The following EPHA6 variants were observed in gnomAD, a reference collection of about 807,000 sequenced individuals.
The protein encoded by EPHA6 is EPH receptor A6, also known as ephrin type-A receptor 6.
Under a neutral mutation model 112.0 loss-of-function variants are expected in EPHA6, and 50 were observed. That is an observed-to-expected ratio of 0.45 (90% confidence interval 0.36 to 0.56). The LOEUF (loss-of-function observed/expected upper bound fraction) is 0.56. Ranked by LOEUF, EPHA6 falls within the 20% of genes least tolerant of loss-of-function variation. The pLI, the probability that EPHA6 is intolerant of heterozygous loss-of-function variation, is 0.00. For missense variants in EPHA6, 1,280 were observed against 1,417.4 expected (o/e 0.90, Z 1.56); for synonymous variants, 529 against 490.7 (o/e 1.08, Z -1.03).
At chr3:96,918,671 A>G (rs1297683264) in intron 2 of EPHA6, among the ~76,000 whole-genome samples, 2 of 152,072 alleles carry the variant, frequency 1.3e-5, no homozygotes, top group South Asian at 2.1e-4. Flanking sequence ...TGGGAAAAAT[A>G]TGTATTTCAA....
intron 11 of EPHA6, among the ~76,000 whole-genome samples, chr3:97,560,139 T>A (rs1042884708): frequency 4.0e-5 from 6 of 151,790 alleles, no homozygotes; most frequent in African/African-American, 1.5e-4. Flanking sequence ...AACTCTGTTT[T>A]CCTGAAATCA....
chr3:97,007,002 T>C (rs1406427579), intron 3 of EPHA6, among the ~76,000 whole-genome samples: 1 of 152,218 alleles, frequency 6.6e-6, no homozygotes, highest in Non-Finnish European at 1.5e-5. Context: ...TTGCTTTTGC[T>C]GAGGAGTGTT....
chr3:97,153,133 C>T (rs1334285818), intron 3 of EPHA6, among the ~76,000 whole-genome samples: 3 of 152,004 alleles, frequency 2.0e-5, no homozygotes, highest in Admixed American at 2.0e-4. Context: ...TATTGTGTAC[C>T]TATAACTCTG....
intron 11 of EPHA6, among the ~76,000 whole-genome samples, chr3:97,547,477 TG>T (rs1051884730): frequency 1.3e-5 from 2 of 152,134 alleles, no homozygotes; most frequent in Non-Finnish European, 2.9e-5. Flanking sequence ...CCGCCCATAC[TG>T]GGGGGTGCCT....
At chr3:97,614,444 C>G (rs891511588) in intron 13 of EPHA6, among the ~76,000 whole-genome samples, 1 of 150,082 alleles carries the variant, frequency 6.7e-6, no homozygotes, top group Non-Finnish European at 1.5e-5. Flanking sequence ...AAGTGATTCT[C>G]CTGCCTCAGC....
intron 1 of EPHA6, among the ~76,000 whole-genome samples, chr3:96,849,015 T>A (rs2035239168): frequency 6.6e-6 from 1 of 152,106 alleles, no homozygotes; most frequent in African/African-American, 2.4e-5. Context: ...GGAAATTTCC[T>A]AGGGGAAAAT....
At chr3:97,641,587 A>G (rs1576171472) in intron 14 of EPHA6, among the ~76,000 whole-genome samples, 1 of 152,296 alleles carries the variant, frequency 6.6e-6, no homozygotes, top group Admixed American at 6.5e-5. Flanking sequence ...GGTGCAGCGC[A>G]CCATGCGCGA....
intron 3 of EPHA6, among the ~76,000 whole-genome samples, chr3:97,157,673 G>A (rs2108391237): frequency 6.6e-6 from 1 of 152,196 alleles, no homozygotes; most frequent in African/African-American, 2.4e-5. Context: ...GAAGGCTCAA[G>A]ACCCGAGAGG....
At chr3:97,193,452 CAT>C (rs2108483498) in intron 3 of EPHA6, among the ~76,000 whole-genome samples, 1 of 152,122 alleles carries the variant, frequency 6.6e-6, no homozygotes, top group African/African-American at 2.4e-5. Context: ...TTGCTACTGA[CAT>C]ATAAGAATAC....
chr3:96,989,585 T>C (rs955335659), intron 3 of EPHA6, among the ~76,000 whole-genome samples: 2 of 152,112 alleles, frequency 1.3e-5, no homozygotes. Flanking sequence ...GACTGGGTAA[T>C]TTATGAAGGA....
chr3:97,027,496 T>C (rs2044682450), intron 3 of EPHA6, among the ~76,000 whole-genome samples: 1 of 151,864 alleles, frequency 6.6e-6, no homozygotes. Flanking sequence ...AAAAAACACC[T>C]CCAAGGGAAA....
intron 2 of EPHA6, among the ~76,000 whole-genome samples, chr3:96,882,583 CT>C (rs1465511315): frequency 6.6e-6 from 1 of 152,180 alleles, no homozygotes; most frequent in Non-Finnish European, 1.5e-5. Flanking sequence ...CATAGCTTTG[CT>C]CCCATGTATC....
chr3:96,923,708 T>C (rs561909060), intron 2 of EPHA6, among the ~76,000 whole-genome samples: 2 of 152,324 alleles, frequency 1.3e-5, no homozygotes, highest in South Asian at 4.1e-4. Context: ...TGCTTGAGCC[T>C]GTGTCCTGAA....
At chr3:96,907,413 A>T (rs2038991522) in intron 2 of EPHA6, among the ~76,000 whole-genome samples, 1 of 151,732 alleles carries the variant, frequency 6.6e-6, no homozygotes. Flanking sequence ...ACTAGGATTT[A>T]TTACCTTCTG....
At chr3:97,410,830 A>G (rs919029196) in intron 6 of EPHA6, among the ~76,000 whole-genome samples, 2 of 152,022 alleles carry the variant, frequency 1.3e-5, no homozygotes, top group Non-Finnish European at 2.9e-5. Flanking sequence ...GTGTTGATAA[A>G]GGGGAAAATA....
chr3:97,186,852 T>C (rs565637953), intron 3 of EPHA6, among the ~76,000 whole-genome samples: 2 of 152,234 alleles, frequency 1.3e-5, no homozygotes, highest in South Asian at 4.1e-4. Context: ...TTTCCCACTC[T>C]TTTCACCTGT....
At chr3:97,366,274 C>A (rs180688970) in intron 5 of EPHA6, among the ~76,000 whole-genome samples, 179 of 152,222 alleles carry the variant, frequency 1.2e-3, no homozygotes, top group Admixed American at 2.6e-3. Context: ...CTAATAAAAG[C>A]AATATGTTGG....
At chr3:97,458,561 C>G (rs139600274) in intron 7 of EPHA6, among the ~76,000 whole-genome samples, 4 of 151,972 alleles carry the variant, frequency 2.6e-5, no homozygotes, top group Non-Finnish European at 5.9e-5. Context: ...TACATATATA[C>G]ACACATTCAT....
At chr3:97,707,867 A>G (rs751722030) in intron 14 of EPHA6, among the ~76,000 whole-genome samples, 2 of 152,130 alleles carry the variant, frequency 1.3e-5, no homozygotes, top group Non-Finnish European at 2.9e-5. Flanking sequence ...GCCACCATGT[A>G]AGATGTGCCT....
Sources: allele counts gnomAD v4.1 joint callset (sites outside exome capture counted in the v4.1 genomes callset), GRCh38; gene constraint gnomAD v4.1.1; transcripts MANE v1.5; gene names NCBI Gene and HGNC (gene_info 2026-07-23, HGNC 2026-07-21).